Variants in SYNE2 observed in about 807,000 individuals in gnomAD.
The protein encoded by SYNE2 is nesprin-2.
Under a neutral mutation model 856.3 loss-of-function variants are expected in SYNE2, and 431 were observed. The observed-to-expected ratio is 0.50, with a 90% CI of 0.47 to 0.55. The LOEUF (loss-of-function observed/expected upper bound fraction) is 0.55, where lower values mean the gene tolerates loss of function less well. SYNE2 is among the 20% of genes least tolerant of loss of function. The pLI is 0.00. For missense variants in SYNE2, 8,129 were observed against 8,023.2 expected (o/e 1.01, Z -0.50); for synonymous variants, 2,923 against 2,872.3 (o/e 1.02, Z -0.56).
chr14:64,208,107 C>T lies in SYNE2; in HGVS notation c.18202-651C>T, dbSNP rs1193261929. Reference sequence around the variant, plus strand: ...CCAAATTGGGGAACTGCATCACTATCATCATCAAAGGACAAGACTCCAGAG... The same window carrying T: ...CCAAATTGGGGAACTGCATCACTATTATCATCAAAGGACAAGACTCCAGAG... On this transcript the variant is annotated intron_variant, in intron 100 of 115. Transcript: ENST00000555002. 6.6e-6 allele frequency: 3 copies of T among 456,046 alleles called. No homozygotes were observed. The East Asian group carries it at 2.1e-4, about 32-fold the overall frequency. The allele number at this position is 456,046 out of a possible 1,614,324, so 28.2% of individuals were successfully genotyped here.
chr14:64,146,262 G>A, intron 84 of SYNE2, 39 bp downstream of exon 84: 1 of 1,567,170 alleles, frequency 6.4e-7, no homozygotes. Context: ...CCCGCGAGCT[G>A]GGGTGATTCG....
chr14:63,903,660 A>C (rs1434723906), intron 1 of SYNE2, among the ~76,000 whole-genome samples: 2 of 152,180 alleles, frequency 1.3e-5, no homozygotes, highest in Non-Finnish European at 2.9e-5. Context: ...TGAATTCCAC[A>C]TGCCGGTTGA....
At chr14:64,048,307 CTAAG>C (rs1275901172) in intron 46 of SYNE2, 152 bp downstream of exon 46, 5 of 629,350 alleles carry the variant, frequency 7.9e-6, no homozygotes, top group African/African-American at 1.8e-5. Context: ...TAATTATGTA[CTAAG>C]TAAGTTGTAT....
At chr14:63,878,497 C>A (rs1470851086) in intron 1 of SYNE2, among the ~76,000 whole-genome samples, 1 of 152,122 alleles carries the variant, frequency 6.6e-6, no homozygotes, top group African/African-American at 2.4e-5. Flanking sequence ...AGATTCTGGT[C>A]ATTTTGTTTC....
At chr14:64,155,195 C>A (rs916353084) in intron 85 of SYNE2, among the ~76,000 whole-genome samples, 9 of 152,108 alleles carry the variant, frequency 5.9e-5, no homozygotes, top group African/African-American at 2.2e-4. Context: ...TTCATGATAG[C>A]CAGAAAGTGT....
chr14:64,185,526 T>C (rs1328659863), intron 96 of SYNE2, among the ~76,000 whole-genome samples: 8 of 143,632 alleles, frequency 5.6e-5, no homozygotes, highest in South Asian at 2.3e-4. Context: ...TTTCTTTTTT[T>C]TTTTTTTTTT....
chr14:63,856,430 G>C lies in SYNE2; in HGVS notation c.-52+3287G>C, dbSNP rs113986097. Among the ~76,000 whole-genome samples the C allele has an allele frequency of 5.7e-3, 863 of 152,310 alleles. 5 individuals carry two copies. The highest frequency in any genetic ancestry group is 0.019 in the African/African-American group (797 of 41,566). On this transcript the variant is annotated intron_variant, in intron 1 of 115. Transcript: ENST00000555002. ...AGTCCCTGTCCTGGTGAAGCTGTTAGTCTAGTGGGAAGACAAGCTATTGCA... is the reference window on the plus strand; with the variant it reads ...AGTCCCTGTCCTGGTGAAGCTGTTACTCTAGTGGGAAGACAAGCTATTGCA...
intron 66 of SYNE2, among the ~76,000 whole-genome samples, chr14:64,117,461 G>A (rs747040040): frequency 1.3e-5 from 2 of 151,906 alleles, no homozygotes; most frequent in Non-Finnish European, 2.9e-5. Flanking sequence ...CACCATGCCT[G>A]GCTAATTTTA....
chr14:63,831,354 GT>G (rs1889660320), intron 1 of SYNE2, among the ~76,000 whole-genome samples: 1 of 151,786 alleles, frequency 6.6e-6, no homozygotes, highest in Non-Finnish European at 1.5e-5. Flanking sequence ...CAAGGATTTT[GT>G]TTTTTTACTT....
chr14:63,789,862 T>G (rs1404511023), intron 1 of SYNE2, among the ~76,000 whole-genome samples: 1 of 151,522 alleles, frequency 6.6e-6, no homozygotes, highest in African/African-American at 2.4e-5. Context: ...AGTGTAGAGA[T>G]GAAAAAATTG....
chr14:64,130,117 G>A lies in SYNE2; in HGVS notation c.14209G>A (p.Glu4737Lys). The A allele has an allele frequency of 1.2e-6, 2 of 1,614,192 alleles. No individual in the cohort carries two copies. Among genetic ancestry groups the A allele is most frequent in the Non-Finnish European group, 8.5e-7 (1 of 1,180,038 alleles). ...AGAACTCAGCAGCCCTTTCGTCACT[G>A]AGAGCCAGCAAGATGCTTTGTTGCA... ...YTELSSPFVT[E>K]SQQDALLQGM... The change falls in exon 76 of 116, where the codon GAG (glutamate) becomes AAG (lysine). Residue 4737 changes from glutamate (E) to lysine (K), a missense_variant. Physicochemically the swap from Glu to Lys is moderately conservative, Grantham distance 56. Coordinates refer to ENST00000555002, the MANE Select transcript of SYNE2 (RefSeq NM_182914.3).
chr14:64,044,951 A>T (rs913090481), intron 45 of SYNE2, among the ~76,000 whole-genome samples: 2 of 152,214 alleles, frequency 1.3e-5, no homozygotes, highest in Non-Finnish European at 2.9e-5. Context: ...ATTCAAGTTC[A>T]TATGAAATAT....
chr14:63,940,430 T>TA (rs1201467993), intron 2 of SYNE2, among the ~76,000 whole-genome samples, 184 bp from the exon 3 acceptor site: 2 of 151,556 alleles, frequency 1.3e-5, no homozygotes, highest in Admixed American at 1.3e-4. Flanking sequence ...AAAAATATCG[T>TA]ATCAACATGG....
chr14:63,953,272 C>T (rs963160668), intron 7 of SYNE2, among the ~76,000 whole-genome samples: 5 of 152,230 alleles, frequency 3.3e-5, no homozygotes, highest in South Asian at 2.1e-4. Flanking sequence ...GGCTTTGCTG[C>T]GGAGAGACTT....
chr14:63,860,701 C>T (rs1282982630), intron 1 of SYNE2, among the ~76,000 whole-genome samples: 2 of 152,192 alleles, frequency 1.3e-5, no homozygotes, highest in African/African-American at 2.4e-5. Flanking sequence ...TCTTCTCTAT[C>T]GGGCTGTGTA....
chr14:63,779,607 C>CA (rs1191817009), intron 1 of SYNE2, among the ~76,000 whole-genome samples: 35 of 151,970 alleles, frequency 2.3e-4, no homozygotes, highest in African/African-American at 7.2e-4. Flanking sequence ...TTAGCGAATG[C>CA]AAATAAATAA....
chr14:63,989,095 A>G (rs972561711), intron 19 of SYNE2, among the ~76,000 whole-genome samples: 1 of 152,216 alleles, frequency 6.6e-6, no homozygotes, highest in Non-Finnish European at 1.5e-5. Flanking sequence ...ATCTGTTTCT[A>G]TGAATTATCT....
chr14:64,019,637 G>A (rs1038141161), intron 34 of SYNE2, among the ~76,000 whole-genome samples: 1 of 152,192 alleles, frequency 6.6e-6, no homozygotes, highest in Non-Finnish European at 1.5e-5. Context: ...TGCTAAAATT[G>A]TGTGTCCGTG....
intron 1 of SYNE2, among the ~76,000 whole-genome samples, chr14:63,835,665 AT>A (rs1889830841): frequency 6.6e-6 from 1 of 151,832 alleles, no homozygotes; most frequent in Non-Finnish European, 1.5e-5. Flanking sequence ...CTAGTACCTC[AT>A]TTCTTAAATA....
Sources: gnomAD v4.1 joint callset for allele counts (sites outside exome capture counted in the v4.1 genomes callset) on GRCh38, gnomAD v4.1.1 for gene constraint, MANE v1.5 for transcripts, NCBI Gene and HGNC (gene_info 2026-07-23, HGNC 2026-07-21) for gene names.